AGBL5: variants seen among roughly 807,000 people sequenced by gnomAD.
AGBL5 encodes the protein cytosolic carboxypeptidase-like protein 5.
A neutral mutation model predicts 88.0 loss-of-function variants in AGBL5; 51 were observed. That is an observed-to-expected ratio of 0.58 (90% CI 0.46 to 0.73). AGBL5 has a LOEUF of 0.73. Among genes scored for constraint, AGBL5 ranks in the 30% least tolerant of loss-of-function variants. AGBL5 has a pLI of 0.00. For missense variants in AGBL5, 1,031 were observed against 1,162.2 expected, an observed-to-expected ratio of 0.89 and a Z score of 1.64; for synonymous variants, 446 against 438.8, an observed-to-expected ratio of 1.02 and a Z score of -0.21.
intron 5 of AGBL5, 71 bp from the exon 6 acceptor site, chr2:27,055,004 C>A: frequency 1.3e-6 from 2 of 1,537,688 alleles, no homozygotes; most frequent in South Asian, 1.2e-5. Context: ...TCATCCATGA[C>A]ACCCCCCATA....
rs1478670499 is a variant in AGBL5, at chr2:27,059,295, GA to G, written c.1981del (p.Met661Ter). On this transcript the variant is annotated frameshift_variant, in exon 11 of 15. Coordinates refer to ENST00000360131, the MANE Select transcript of AGBL5 (RefSeq NM_021831.6). LOFTEE classifies it high-confidence loss of function. ...GCAGCAGCCAACAAAATTCTCCACAGATGAAGAATTCCCCCAGCTTTCCTTT... is the reference window on the plus strand; with the variant it reads ...GCAGCAGCCAACAAAATTCTCCACAGTGAAGAATTCCCCCAGCTTTCCTTT... ...SSSSQQNSPQMKNSPSFPFHG... is the reference protein window; with the variant it reads ...SSSSQQNSPQXKNSPSFPFHG... 1.2e-6 allele frequency: 2 copies of G among 1,614,246 alleles called. No individual in the cohort carries two copies. The highest frequency in any genetic ancestry group is 4.5e-5 in the East Asian group (2 of 44,882).
Position 27,070,148 on chromosome 2 carries a change from C to T in AGBL5, c.2546C>T (p.Ser849Phe). 6.2e-7 allele frequency: 1 copy of T among 1,614,212 alleles called. No homozygotes were observed. The change falls in exon 15 of 15, where the codon TCC (serine) becomes TTC (phenylalanine). Residue 849 changes from serine to phenylalanine, a missense_variant. Ser to Phe is a radical substitution (Grantham distance 155, BLOSUM62 -2). Coordinates refer to ENST00000360131, the MANE Select transcript of AGBL5 (RefSeq NM_021831.6). ...TCTGCCCCTGCCTTTTCTCCTATAT[C>T]CTGTAGTCTATCTGACTCCCCATCC... ...PRSAPAFSPI[S>F]CSLSDSPSWN...
At position 27,056,037 on chromosome 2, in the gene AGBL5, C is replaced by G. The variant is rs187389989; in HGVS notation, c.1264C>G (p.Pro422Ala). The G allele has an allele frequency of 1.9e-5, 31 of 1,614,096 alleles. No homozygotes were observed. Among genetic ancestry groups the G allele is most frequent in the South Asian group, 1.8e-4 (16 of 91,080 alleles). Residue 422 changes from proline to alanine, a missense_variant, in exon 7 of 15, where the codon CCC (proline) becomes GCC (alanine). Pro to Ala is a conservative substitution (Grantham distance 27). Coordinates refer to ENST00000360131, the MANE Select transcript of AGBL5 (RefSeq NM_021831.6). The stretch of plus-strand genomic sequence containing the variant: ...AGAGTCAGCCCCTGATACCATCCCC[C>G]CCAAAGAGAGTGGCGTTGCTTACTA... ...LEESAPDTIP[P>A]KESGVAYYVD...
intron 9 of AGBL5, 44 bp from the exon 10 acceptor site, chr2:27,058,356 G>C (rs1229015862): frequency 6.2e-7 from 1 of 1,609,860 alleles, no homozygotes; most frequent in African/African-American, 1.3e-5. Flanking sequence ...TAGCAGCCTG[G>C]ATGGGAGGAC....
chr2:27,060,532 G>C (rs1322582303), intron 11 of AGBL5, among the ~76,000 whole-genome samples: 1 of 152,256 alleles, frequency 6.6e-6, no homozygotes, highest in East Asian at 1.9e-4. Flanking sequence ...CTTGTCAGCT[G>C]GGGCTAAGAG....
chr2:27,066,788 T>C (rs745376699), intron 11 of AGBL5, among the ~76,000 whole-genome samples: 7 of 150,356 alleles, frequency 4.7e-5, no homozygotes, highest in Non-Finnish European at 1.0e-4. Context: ...CTACTAAAAA[T>C]ACAAAATTTA....
rs1668229291 is a variant in AGBL5 at position 27,052,837 on chromosome 2, T to C, written c.-46-76T>C. The C allele has an allele frequency of 7.0e-6, 6 of 856,708 alleles. No homozygotes were observed. In the East Asian group the frequency reaches 8.6e-5, roughly 12 times the overall value. The allele number at this position is 856,708 out of a possible 1,614,324, so 53.1% of individuals were successfully genotyped here. A position where few individuals can be genotyped will look rare whatever the true frequency, so the allele number is the denominator to read the frequency against. On this transcript the variant is annotated intron_variant, in intron 1 of 14. Coordinates refer to ENST00000360131, the MANE Select transcript of AGBL5 (RefSeq NM_021831.6). ...GGGCACTCCCTAAGAATAGCTCTTA[T>C]TTATCAAGAGATACCCAGAAAACTC...
intron 4 of AGBL5, 129 bp downstream of exon 4, chr2:27,054,188 C>A: frequency 3.4e-6 from 4 of 1,191,652 alleles, no homozygotes; most frequent in Non-Finnish European, 2.3e-6. Context: ...AATGTACAGA[C>A]AGGACTTTGG....
At chr2:27,064,714 T>C (rs913982321) in intron 11 of AGBL5, among the ~76,000 whole-genome samples, 6 of 151,230 alleles carry the variant, frequency 4.0e-5, no homozygotes, top group African/African-American at 2.4e-5. Context: ...ATTTTTTTTT[T>C]CCATTCAATT....
Position 27,069,742 on chromosome 2 carries a change from C to CA in AGBL5, c.2489+37dup, listed in dbSNP as rs1021899183. On this transcript the variant is annotated intron_variant, in intron 14 of 14. Transcript: ENST00000360131. ...GGGTCCAGTCCCTCACACCACCCCT[C>CA]ACTTCTGTCCCCTCATTCCCATTTC... 7.0e-6 allele frequency: 11 copies of CA among 1,578,966 alleles called. No individual in the cohort carries two copies. The African/African-American group carries it at 1.4e-4, about 19-fold the overall frequency.
chr2:27,050,772 C>A (rs376395063), upstream of AGBL5, among the ~76,000 whole-genome samples: 14 of 152,088 alleles, frequency 9.2e-5, no homozygotes, highest in African/African-American at 2.4e-4. Flanking sequence ...AGCATCTTAT[C>A]GCAGCGGAGC....
intron 1 of AGBL5, 60 bp from the exon 2 acceptor site, chr2:27,052,853 C>T: frequency 9.9e-7 from 1 of 1,010,448 alleles, no homozygotes; most frequent in Non-Finnish European, 1.4e-6. Context: ...AAGAGATACC[C>T]AGAAAACTCT....
In AGBL5 at chr2:27,055,732, C is replaced by T. The variant is rs1257011238; in HGVS notation, c.959C>T (p.Ala320Val). The change falls in exon 7 of 15, where the codon GCC (alanine) becomes GTC (valine). Residue 320 changes from alanine to valine, a missense_variant. Ala to Val is a moderately conservative substitution (Grantham distance 64, BLOSUM62 0). Around this residue, in one of 2 missense-constraint regions of AGBL5, gnomAD observed 540 missense variants for 678.2 expected, o/e 0.80. Transcript: ENST00000360131. ...AACCGTCAGTACCTGAAGCCTGATGCCGTCCTGCACCCGGCCATCTATGGG... is the reference window on the plus strand; with the variant it reads ...AACCGTCAGTACCTGAAGCCTGATGTCGTCCTGCACCCGGCCATCTATGGG... ...NLNRQYLKPDAVLHPAIYGAK... is the reference protein window; with the variant it reads ...NLNRQYLKPDVVLHPAIYGAK... 1 of 1,614,036 alleles carries T rather than the reference C, an allele frequency of 6.2e-7. No homozygotes were observed. Among genetic ancestry groups the T allele is most frequent in the Non-Finnish European group, 8.5e-7 (1 of 1,180,044 alleles).
At chr2:27,055,302 C>G (rs748505872) in intron 6 of AGBL5, 49 bp downstream of exon 6, 1 of 1,580,976 alleles carries the variant, frequency 6.3e-7, no homozygotes, top group Non-Finnish European at 8.6e-7. Context: ...TCCCCTCATG[C>G]CCTGCATCTC....
chr2:27,067,754 A>G lies in AGBL5; in HGVS notation c.2242+108A>G, dbSNP rs776624270. 37 of 1,264,060 alleles carry G rather than the reference A, an allele frequency of 2.9e-5. 1 individual carries two copies. In the South Asian group the frequency reaches 4.0e-4, roughly 14 times the overall value. 78.3% of individuals were successfully genotyped at this position (1,264,060 alleles called of 1,614,324 possible). A position where few individuals can be genotyped will look rare whatever the true frequency, so the allele number is the denominator to read the frequency against. ...CAGGGGCATCACTTATCCTCTTGGT[A>G]TCCTAAACCTCTAACACTGGTGCCT... On this transcript the variant is annotated intron_variant, in intron 12 of 14. Transcript: ENST00000360131.
At chr2:27,068,839 T>C (rs1397968719) in intron 13 of AGBL5, 95 bp downstream of exon 13, 1 of 1,549,272 alleles carries the variant, frequency 6.5e-7, no homozygotes, top group East Asian at 2.3e-5. Context: ...CAGCACTGCT[T>C]TACTGCATCT....
chr2:27,059,183 T>C lies in AGBL5; in HGVS notation c.1875-7T>C. 1 of 1,611,288 alleles carries C rather than the reference T, an allele frequency of 6.2e-7. No homozygotes were observed. The highest frequency in any genetic ancestry group is 8.5e-7 in the Non-Finnish European group (1 of 1,178,418). Reference sequence around the variant, plus strand: ...GCCCGGGTTAACTGGCATCTGCTTCTTTGCAGTGGGTTGCCTGTCTCCTGC... The same window carrying C: ...GCCCGGGTTAACTGGCATCTGCTTCCTTGCAGTGGGTTGCCTGTCTCCTGC... On this transcript the variant is annotated splice_region_variant and splice_polypyrimidine_tract_variant and intron_variant, in intron 10 of 14. Transcript: ENST00000360131.
At position 27,057,389 on chromosome 2, in the gene AGBL5, C is replaced by G. The variant is rs776275575; in HGVS notation, c.1622C>G (p.Pro541Arg). The G allele has an allele frequency of 4.3e-6, 7 of 1,613,916 alleles. 1 individual carries two copies. Among genetic ancestry groups the G allele is most frequent in the South Asian group, 3.3e-5 (3 of 91,036 alleles). The change falls in exon 9 of 15, where the codon CCT becomes CGT. Residue 541 changes from proline to arginine, a missense_variant. Coordinates refer to ENST00000360131, the MANE Select transcript of AGBL5 (RefSeq NM_021831.6). ...CATGACAATGGGCGTGCCAGCCCCC[C>G]TCCCCCGCCGGCTTTCCCCTCCAGA... Reference protein sequence around the residue: ...ACHDNGRASPPPPPAFPSRYT... With the variant: ...ACHDNGRASPRPPPAFPSRYT...
Position 27,069,667 on chromosome 2 carries a change from G to A in AGBL5, c.2450G>A (p.Ser817Asn), listed in dbSNP as rs748444804. ...TCCCCTACCCCCCGGACCAGGGAGA[G>A]CAGTGAGCTGGAGCTGGGATCCTGC... is the stretch of plus-strand genomic sequence containing the variant. ...PTSPTPRTRE[S>N]SELELGSCSA... The change falls in exon 14 of 15, where the codon AGC (serine) becomes AAC (asparagine). Residue 817 changes from serine to asparagine, a missense_variant. Ser to Asn is a conservative substitution (Grantham distance 46). Coordinates refer to ENST00000360131, the MANE Select transcript of AGBL5 (RefSeq NM_021831.6). 5.9e-5 allele frequency: 95 copies of A among 1,613,992 alleles called. 1 individual carries two copies. In the South Asian group the frequency reaches 8.0e-4, roughly 14 times the overall value.
Sources: allele counts gnomAD v4.1 joint callset (sites outside exome capture counted in the v4.1 genomes callset), GRCh38; gene constraint gnomAD v4.1.1; regional missense constraint gnomAD v4.1.1; transcripts MANE v1.5; gene names NCBI Gene and HGNC (gene_info 2026-07-23, HGNC 2026-07-21).